The following SNRK variants were observed in gnomAD, a reference collection of about 807,000 sequenced individuals.
SNRK encodes the protein SNF-related serine/threonine-protein kinase.
SNRK carries 3 observed loss-of-function variants against 48.2 expected under a neutral mutation model. The observed-to-expected ratio is 0.06, with a 90% CI of 0.03 to 0.16. The LOEUF is 0.16. SNRK is among the 10% of genes least tolerant of loss of function. SNRK has a pLI of 1.00. For synonymous variants in SNRK, 376 were observed against 366.1 expected (o/e 1.03, Z -0.31); for missense variants, 627 against 976.0 (o/e 0.64, Z 4.76).
At position 43,347,447 on chromosome 3, in the gene SNRK, C is replaced by CA; in HGVS notation, c.1189dup (p.Ser397LysfsTer13). 6.2e-7 allele frequency: 1 copy of CA among 1,614,068 alleles called. No homozygotes were observed. The highest frequency in any genetic ancestry group is 8.5e-7 in the Non-Finnish European group (1 of 1,180,004). On this transcript the variant is annotated frameshift_variant, in exon 7 of 7. Transcript: ENST00000296088. LOFTEE classifies it high-confidence loss of function. This position sits in a 1 kb window ranked among gnomAD's most constrained non-coding sequence, Gnocchi z 5.4. The stretch of plus-strand genomic sequence containing the variant: ...CTCAGTCTCCTGCTCGGGCTGCTGA[C>CA]AGTGTCCTCAATGGCCACAGGAGCA...
At chr3:43,330,738 G>T (rs1278715893) in intron 3 of SNRK, among the ~76,000 whole-genome samples, 1 of 152,098 alleles carries the variant, frequency 6.6e-6, no homozygotes, top group Non-Finnish European at 1.5e-5. Flanking sequence ...GCTGTCCTAG[G>T]GCAGATAATG....
At chr3:43,287,664 C>G (rs1202244758) in intron 1 of SNRK, among the ~76,000 whole-genome samples, 1 of 152,296 alleles carries the variant, frequency 6.6e-6, no homozygotes, top group Non-Finnish European at 1.5e-5. Flanking sequence ...GCATGGCTTG[C>G]AAGTGTTGGA....
At chr3:43,337,461 C>A (rs1033550327) in intron 4 of SNRK, among the ~76,000 whole-genome samples, 1 of 151,980 alleles carries the variant, frequency 6.6e-6, no homozygotes, top group South Asian at 2.1e-4. Context: ...CACCCTGTCA[C>A]CCAGGCTGGA....
chr3:43,323,218 A>T (rs2091068981), intron 3 of SNRK, among the ~76,000 whole-genome samples: 1 of 152,228 alleles, frequency 6.6e-6, no homozygotes, highest in South Asian at 2.1e-4. Context: ...TAAAATGAAA[A>T]ACTATAAAAC....
At chr3:43,334,650 GT>G (rs2091172938) in intron 4 of SNRK, among the ~76,000 whole-genome samples, 1 of 151,378 alleles carries the variant, frequency 6.6e-6, no homozygotes, top group Admixed American at 6.6e-5. Context: ...CTGGAGTGCA[GT>G]GGCACAGTCT....
chr3:43,342,810 A>G (rs946459291), intron 5 of SNRK, among the ~76,000 whole-genome samples: 1 of 152,240 alleles, frequency 6.6e-6, no homozygotes, highest in African/African-American at 2.4e-5. Context: ...ATTCAAAGCA[A>G]TTGATGGTGA....
chr3:43,326,701 A>G (rs2091099270), intron 3 of SNRK, among the ~76,000 whole-genome samples: 1 of 152,134 alleles, frequency 6.6e-6, no homozygotes, highest in African/African-American at 2.4e-5. Flanking sequence ...GGAGTCTGGG[A>G]TGTCTCCTAA....
chr3:43,330,497 C>G (rs1352178715), intron 3 of SNRK, among the ~76,000 whole-genome samples: 32 of 152,070 alleles, frequency 2.1e-4, no homozygotes, highest in Admixed American at 2.0e-3. Context: ...TTGAGTGGTA[C>G]AAAGAGGAGG....
chr3:43,314,581 G>A (rs1424020404), intron 3 of SNRK, among the ~76,000 whole-genome samples: 2 of 152,154 alleles, frequency 1.3e-5, no homozygotes, highest in South Asian at 4.1e-4. Context: ...CTATAAAAGA[G>A]TCTTTTAGAG....
intron 3 of SNRK, among the ~76,000 whole-genome samples, chr3:43,309,343 A>G (rs1389155391): frequency 6.6e-6 from 1 of 152,168 alleles, no homozygotes; most frequent in Non-Finnish European, 1.5e-5. Context: ...GAGAGAATTG[A>G]CTTCAGTTTT....
Position 43,343,455 on chromosome 3 carries a change from G to T in SNRK, c.1056G>T (p.Pro352=), listed in dbSNP as rs35154175. Residue 352 remains proline, a synonymous_variant, in exon 6 of 7, where the codon CCG becomes CCT. Transcript: ENST00000296088. ...EKEIQTRSAS[P]SNIKAQFRQS... ...AAATACAGACCAGATCTGCAAGCCCGAGCAATATCAAGGCCCAGTTTAGGT... is the reference window on the plus strand; with the variant it reads ...AAATACAGACCAGATCTGCAAGCCCTAGCAATATCAAGGCCCAGTTTAGGT... 1.9e-6 allele frequency: 3 copies of T among 1,613,288 alleles called. No individual in the cohort carries two copies. The South Asian group carries it at 3.3e-5, about 18-fold the overall frequency.
At chr3:43,298,375 A>T (rs956889659) in intron 1 of SNRK, among the ~76,000 whole-genome samples, 1 of 152,126 alleles carries the variant, frequency 6.6e-6, no homozygotes, top group Non-Finnish European at 1.5e-5. Context: ...GGAAGGAGCT[A>T]CTATATCCCT....
intron 2 of SNRK, among the ~76,000 whole-genome samples, chr3:43,301,962 A>G (rs138266992): frequency 6.6e-6 from 1 of 152,332 alleles, no homozygotes; most frequent in Admixed American, 6.5e-5. Context: ...TATAAATAGG[A>G]ACCTATTTCT....
chr3:43,300,801 A>T (rs1042268482), intron 2 of SNRK, among the ~76,000 whole-genome samples: 2 of 152,248 alleles, frequency 1.3e-5, no homozygotes, highest in African/African-American at 4.8e-5. Flanking sequence ...ACACACACCT[A>T]GGCATTGTAT....
At chr3:43,288,290 A>T (rs1404772688) in intron 1 of SNRK, among the ~76,000 whole-genome samples, 1 of 152,150 alleles carries the variant, frequency 6.6e-6, no homozygotes, top group Non-Finnish European at 1.5e-5. Flanking sequence ...TGTGCACAAA[A>T]ATTACTCTCA....
At chr3:43,336,658 A>G (rs1280041376) in intron 4 of SNRK, among the ~76,000 whole-genome samples, 1 of 151,928 alleles carries the variant, frequency 6.6e-6, no homozygotes, top group East Asian at 1.9e-4. Context: ...CCCTCATTTG[A>G]CTTTCCCCCT....
intron 3 of SNRK, among the ~76,000 whole-genome samples, chr3:43,331,136 C>G (rs6791641): frequency 0.15 from 22,448 of 152,166 alleles, 2,782 homozygotes; most frequent in African/African-American, 0.34. Flanking sequence ...GTCTGCCCTT[C>G]CATTCTCTTT....
At chr3:43,323,590 C>G (rs1344526258) in intron 3 of SNRK, among the ~76,000 whole-genome samples, 1 of 152,146 alleles carries the variant, frequency 6.6e-6, no homozygotes, top group Non-Finnish European at 1.5e-5. Context: ...CCAGCAATGG[C>G]CCAGCAAACT....
chr3:43,346,281 A>G, intron 6 of SNRK, among the ~76,000 whole-genome samples: 1 of 152,248 alleles, frequency 6.6e-6, no homozygotes, highest in Admixed American at 6.5e-5. Flanking sequence ...AACAAAAGAA[A>G]ACTTGCACAT....
Sources: allele counts gnomAD v4.1 joint callset (sites outside exome capture counted in the v4.1 genomes callset), GRCh38; gene constraint gnomAD v4.1.1; non-coding constraint Gnocchi (gnomAD v3.1); transcripts MANE v1.5; gene names NCBI Gene and HGNC (gene_info 2026-07-23, HGNC 2026-07-21).